DPP10: variants seen among roughly 807,000 people sequenced by gnomAD.
The protein encoded by DPP10 is dipeptidyl peptidase like 10.
Under a neutral mutation model 120.9 loss-of-function variants are expected in DPP10, and 33 were observed. The observed-to-expected ratio is 0.27, with a 90% confidence interval of 0.21 to 0.37. DPP10 has a LOEUF of 0.37. Among genes scored for constraint, DPP10 ranks in the 10% least tolerant of loss-of-function variants. The probability of loss-of-function intolerance (pLI) is 1.00; values close to 1 mark genes in which losing one functional copy is unlikely to be tolerated. For synonymous variants in DPP10, 337 were observed against 326.1 expected (o/e 1.03, Z -0.36); for missense variants, 816 against 942.8 (o/e 0.87, Z 1.76).
intron 5 of DPP10, among the ~76,000 whole-genome samples, chr2:115,642,397 T>G (rs1377799392): frequency 6.6e-6 from 1 of 152,210 alleles, no homozygotes; most frequent in African/African-American, 2.4e-5. Context: ...TAAGGTCTTA[T>G]CAGAAAAAAA....
chr2:115,147,089 C>T lies in DPP10; in HGVS notation c.61-162150C>T, dbSNP rs183454964. On this transcript the variant is annotated intron_variant, in intron 1 of 25. Transcript: ENST00000410059. Reference sequence around the variant, plus strand: ...GACAGATTTATCTAACTATAAAAGTCTATTTAATGTCGTTTTATTGGATGG... The same window carrying T: ...GACAGATTTATCTAACTATAAAAGTTTATTTAATGTCGTTTTATTGGATGG... Among the ~76,000 whole-genome samples, 321 of 151,836 alleles carry T rather than the reference C, an allele frequency of 2.1e-3. 4 individuals carry two copies. Among genetic ancestry groups the T allele is most frequent in the African/African-American group, 7.3e-3 (302 of 41,442 alleles).
At chr2:115,166,672 T>A (rs1392326375) in intron 1 of DPP10, among the ~76,000 whole-genome samples, 3 of 150,596 alleles carry the variant, frequency 2.0e-5, no homozygotes, top group Non-Finnish European at 4.4e-5. Flanking sequence ...TTTGATTATT[T>A]CAGGATCTGA....
At chr2:115,636,345 C>G (rs2086331195) in intron 5 of DPP10, among the ~76,000 whole-genome samples, 3 of 152,068 alleles carry the variant, frequency 2.0e-5, no homozygotes, top group Admixed American at 2.0e-4. Context: ...AGTTGCATGA[C>G]AGACCGAAAA....
intron 1 of DPP10, among the ~76,000 whole-genome samples, chr2:115,236,210 C>T (rs2058000156): frequency 6.6e-6 from 1 of 152,174 alleles, no homozygotes; most frequent in South Asian, 2.1e-4. Flanking sequence ...GGTATTATTA[C>T]TAAGTTACAG....
At chr2:115,566,340 T>TTCTATATGGTGGTTTTTC (rs1346571898) in intron 5 of DPP10, among the ~76,000 whole-genome samples, 2 of 152,184 alleles carry the variant, frequency 1.3e-5, no homozygotes, top group Non-Finnish European at 2.9e-5. Flanking sequence ...TATGATTTTT[T>TTCTATATGGTGGTTTTTC]TCTATATGGT....
chr2:114,497,887 C>T (rs13419136), intron 1 of DPP10, among the ~76,000 whole-genome samples: 1,875 of 152,222 alleles, frequency 0.012, 45 homozygotes, highest in African/African-American at 0.042. Context: ...ACATCCAGAG[C>T]GACTTTGATT....
intron 15 of DPP10, among the ~76,000 whole-genome samples, 163 bp from the exon 16 acceptor site, chr2:115,780,711 G>A (rs1047642846): frequency 7.3e-5 from 11 of 151,590 alleles, no homozygotes; most frequent in African/African-American, 2.7e-4. Context: ...ATTACTAATA[G>A]AAGGTGACTT....
intron 1 of DPP10, among the ~76,000 whole-genome samples, chr2:114,982,779 T>C (rs1700167286): frequency 6.6e-6 from 1 of 151,820 alleles, no homozygotes; most frequent in Non-Finnish European, 1.5e-5. Flanking sequence ...TTTTGCATTT[T>C]TTTTTTTTGT....
At chr2:114,802,555 C>T (rs189596563) in intron 1 of DPP10, among the ~76,000 whole-genome samples, 1 of 152,168 alleles carries the variant, frequency 6.6e-6, no homozygotes, top group Admixed American at 6.5e-5. Context: ...AACGAAATAA[C>T]CGAGGTTGGT....
chr2:114,626,573 T>G (rs1694532112), intron 1 of DPP10, among the ~76,000 whole-genome samples: 1 of 152,032 alleles, frequency 6.6e-6, no homozygotes, highest in Non-Finnish European at 1.5e-5. Flanking sequence ...TTTTGAAATT[T>G]CTAGTTTTAG....
intron 4 of DPP10, among the ~76,000 whole-genome samples, chr2:115,507,078 A>G (rs1000167373): frequency 6.6e-6 from 1 of 151,654 alleles, no homozygotes; most frequent in African/African-American, 2.4e-5. Flanking sequence ...CCCACCAAGC[A>G]AGCAGCACCT....
At chr2:115,410,266 G>T (rs752529449) in intron 3 of DPP10, among the ~76,000 whole-genome samples, 17 of 152,176 alleles carry the variant, frequency 1.1e-4, no homozygotes, top group East Asian at 3.9e-4. Context: ...TTAAGAAAAC[G>T]TAATACATAT....
intron 1 of DPP10, chr2:115,145,049 T>C (rs2051145638): frequency 6.6e-6 from 1 of 151,950 alleles, no homozygotes; most frequent in Non-Finnish European, 1.5e-5. Context: ...GGAAGAAAAA[T>C]TTGCACTGTT....
chr2:115,517,922 G>A (rs1281055800), intron 4 of DPP10, among the ~76,000 whole-genome samples: 1 of 152,208 alleles, frequency 6.6e-6, no homozygotes, highest in African/African-American at 2.4e-5. Context: ...TCTGTAGACT[G>A]TGCGAAAAGC....
rs578229240 is a variant in DPP10, at chr2:115,742,988, C to T, written c.852+3095C>T. On this transcript the variant is annotated intron_variant, in intron 9 of 25. Coordinates refer to ENST00000410059, the MANE Select transcript of DPP10 (RefSeq NM_020868.6). ...AGATGCACGGTTCTATCCCAGTAACCTCAGGTTAATCTTTGTAATTAAAAC... is the reference window on the plus strand; with the variant it reads ...AGATGCACGGTTCTATCCCAGTAACTTCAGGTTAATCTTTGTAATTAAAAC... Among the ~76,000 whole-genome samples, 4 of 151,236 alleles carry T rather than the reference C, an allele frequency of 2.6e-5. No individual in the cohort carries two copies. The South Asian group carries it at 8.4e-4, about 32-fold the overall frequency.
At chr2:115,270,888 G>T (rs56256828) in intron 1 of DPP10, among the ~76,000 whole-genome samples, 11 of 111,926 alleles carry the variant, frequency 9.8e-5, no homozygotes, top group African/African-American at 4.0e-4. Context: ...TCTTTATATT[G>T]TTTTTTTTTA....
chr2:115,254,483 T>C (rs981626950), intron 1 of DPP10, among the ~76,000 whole-genome samples: 4 of 152,120 alleles, frequency 2.6e-5, no homozygotes, highest in African/African-American at 9.7e-5. Flanking sequence ...CTCCCAAATC[T>C]CATGTGCTTG....
At chr2:115,827,586 T>TTTTTA (rs921674347) in intron 21 of DPP10, among the ~76,000 whole-genome samples, 16 of 150,948 alleles carry the variant, frequency 1.1e-4, no homozygotes, top group South Asian at 8.3e-4. Flanking sequence ...TTTATTTTTA[T>TTTTTA]TTTTATTTTA....
intron 1 of DPP10, among the ~76,000 whole-genome samples, chr2:114,942,192 G>A (rs1356816162): frequency 1.3e-5 from 2 of 150,104 alleles, no homozygotes; most frequent in East Asian, 3.9e-4. Context: ...AGAATGGCGT[G>A]AACCCGGCAG....
Sources: gnomAD v4.1 joint callset for allele counts (sites outside exome capture counted in the v4.1 genomes callset) on GRCh38, gnomAD v4.1.1 for gene constraint, MANE v1.5 for transcripts, NCBI Gene and HGNC (gene_info 2026-07-23, HGNC 2026-07-21) for gene names.